Variants in CCDC146 observed in about 807,000 individuals in gnomAD.
CCDC146 encodes coiled-coil domain containing 146, also known as coiled-coil domain-containing protein 146.
CCDC146 carries 92 observed loss-of-function variants against 119.3 expected under a neutral mutation model. The observed-to-expected ratio is 0.77, with a 90% confidence interval of 0.65 to 0.92. CCDC146 has a LOEUF of 0.92. Among genes scored for constraint, CCDC146 ranks in the 40% least tolerant of loss-of-function variants. The pLI, the probability that CCDC146 is intolerant of heterozygous loss-of-function variation, is 0.00. For missense variants in CCDC146, 1,000 were observed against 1,103.0 expected (o/e 0.91, Z 1.32); for synonymous variants, 372 against 371.8 (o/e 1.00, Z -0.01).
chr7:77,171,182 C>G (rs908019400), intron 2 of CCDC146, among the ~76,000 whole-genome samples: 1 of 152,188 alleles, frequency 6.6e-6, no homozygotes, highest in Admixed American at 6.5e-5. Context: ...ATGATGTAAG[C>G]TCATGCATTT....
At chr7:77,184,813 T>C (rs1359442090) in intron 2 of CCDC146, among the ~76,000 whole-genome samples, 2 of 152,194 alleles carry the variant, frequency 1.3e-5, no homozygotes, top group Non-Finnish European at 2.9e-5. Context: ...CTTGAAAATA[T>C]ATTAATTTTT....
intron 1 of CCDC146, among the ~76,000 whole-genome samples, chr7:77,156,791 T>TC (rs1468145574): frequency 6.6e-6 from 1 of 152,136 alleles, no homozygotes; most frequent in African/African-American, 2.4e-5. Flanking sequence ...GAGGTATGCC[T>TC]CATGTCAGAT....
chr7:77,122,932 T>A (rs1236569128), intron 1 of CCDC146, among the ~76,000 whole-genome samples, 200 bp downstream of exon 1: 2 of 151,390 alleles, frequency 1.3e-5, no homozygotes, highest in African/African-American at 2.4e-5. Flanking sequence ...ATATTCCAAA[T>A]ATAGGAATAG....
In CCDC146 at chr7:77,261,992, T is replaced by C. The variant is rs141481528; in HGVS notation, c.987-129T>C. 4.7e-4 allele frequency: 323 copies of C among 690,388 alleles called. 1 individual carries two copies. The African/African-American group carries it at 5.1e-3, about 11-fold the overall frequency. The allele number at this position is 690,388 out of a possible 1,614,324, so 42.8% of individuals were successfully genotyped here. A position where few individuals can be genotyped will look rare whatever the true frequency, so the allele number is the denominator to read the frequency against. On this transcript the variant is annotated intron_variant, in intron 8 of 18. Transcript: ENST00000285871. ...TAGGATTGCTGGGTCAAACGGTAGT[T>C]CTGTTTTTAGGTCTTTGCCAGAAGA...
intron 4 of CCDC146, among the ~76,000 whole-genome samples, chr7:77,248,068 CATATAT>C (rs1792988507): frequency 6.6e-6 from 1 of 152,106 alleles, no homozygotes; most frequent in African/African-American, 2.4e-5. Context: ...GAAAATGTGA[CATATAT>C]ATACAATGGA....
chr7:77,139,426 T>C (rs1017739372), intron 1 of CCDC146, among the ~76,000 whole-genome samples: 18 of 152,204 alleles, frequency 1.2e-4, no homozygotes, highest in African/African-American at 4.3e-4. Context: ...TTCTGTATGA[T>C]ACTATAACGA....
At chr7:77,151,922 A>G (rs1478046906) in intron 1 of CCDC146, among the ~76,000 whole-genome samples, 2 of 152,140 alleles carry the variant, frequency 1.3e-5, no homozygotes, top group Non-Finnish European at 2.9e-5. Context: ...TTTGTAGTGT[A>G]GTGCTCCCAG....
At chr7:77,285,638 T>C (rs1005687765) in intron 15 of CCDC146, among the ~76,000 whole-genome samples, 1 of 152,192 alleles carries the variant, frequency 6.6e-6, no homozygotes, top group African/African-American at 2.4e-5. Context: ...TACCTGAGAT[T>C]ACACAGGTAT....
In CCDC146 at chr7:77,292,894, C is replaced by T; in HGVS notation, c.2416-58C>T. Reference sequence around the variant, plus strand: ...CCATTATAGACAGCCAGCAGCCTGCCATTTTAAGTCTTTGTGGACTGTATA... The same window carrying T: ...CCATTATAGACAGCCAGCAGCCTGCTATTTTAAGTCTTTGTGGACTGTATA... On this transcript the variant is annotated intron_variant, in intron 17 of 18. Transcript: ENST00000285871. 3.9e-6 allele frequency: 6 copies of T among 1,544,616 alleles called. No homozygotes were observed. In the South Asian group the frequency reaches 7.3e-5, roughly 19 times the overall value.
At position 77,282,743 on chromosome 7, in the gene CCDC146, C is replaced by A; in HGVS notation, c.2106C>A (p.Ala702=). Reference sequence around the variant, plus strand: ...GTGTGACCCAGAAATTACTGCCAGCCAAGAGGTCCCTGGATGCCGACCTAG... The same window carrying A: ...GTGTGACCCAGAAATTACTGCCAGCAAAGAGGTCCCTGGATGCCGACCTAG... ...QICVTQKLLP[A]KRSLDADLAV... Residue 702 remains alanine, a synonymous_variant, in exon 15 of 19, where the codon GCC becomes GCA. Transcript: ENST00000285871. 1 of 1,614,148 alleles carries A rather than the reference C, an allele frequency of 6.2e-7. No homozygotes were observed. The highest frequency in any genetic ancestry group is 8.5e-7 in the Non-Finnish European group (1 of 1,179,990).
intron 1 of CCDC146, among the ~76,000 whole-genome samples, chr7:77,130,332 GT>G (rs1340622916): frequency 3.9e-5 from 6 of 152,084 alleles, no homozygotes; most frequent in African/African-American, 1.5e-4. Flanking sequence ...AGAAAGCATA[GT>G]TAAGGCTTTG....
rs1793869322 is a variant in CCDC146 at position 77,287,498 on chromosome 7, A to G, written c.2336A>G (p.Glu779Gly). 6.2e-7 allele frequency: 1 copy of G among 1,614,074 alleles called. No homozygotes were observed. Among genetic ancestry groups the G allele is most frequent in the South Asian group, 1.1e-5 (1 of 91,086 alleles). Reference protein sequence around the residue: ...EKLLEKDFIYEQVSRLTDRLC... With the variant: ...EKLLEKDFIYGQVSRLTDRLC... ...CTGCTGGAGAAGGATTTCATCTATG[A>G]GCAGGTCTCCAGGCTCACAGACAGG... The change falls in exon 17 of 19, where the codon GAG (glutamate) becomes GGG (glycine). Residue 779 changes from glutamate to glycine, a missense_variant. Coordinates refer to ENST00000285871, the MANE Select transcript of CCDC146 (RefSeq NM_020879.3).
chr7:77,204,344 C>T (rs867577905), intron 2 of CCDC146, among the ~76,000 whole-genome samples: 38 of 152,226 alleles, frequency 2.5e-4, no homozygotes, highest in Admixed American at 2.2e-3. Flanking sequence ...AAAATGATTT[C>T]CACAACCCAC....
intron 2 of CCDC146, among the ~76,000 whole-genome samples, chr7:77,203,291 A>C (rs1792027912): frequency 1.3e-5 from 2 of 152,068 alleles, no homozygotes; most frequent in South Asian, 2.1e-4. Flanking sequence ...AAATGATAGC[A>C]TGCTAATGAC....
intron 1 of CCDC146, among the ~76,000 whole-genome samples, chr7:77,143,339 A>G (rs13242148): frequency 0.19 from 29,436 of 151,526 alleles, 3,420 homozygotes; most frequent in Non-Finnish European, 0.21. Context: ...TGAGTAGATT[A>G]CAAAAATTTT....
At chr7:77,273,020 T>G (rs35846293) in intron 9 of CCDC146, among the ~76,000 whole-genome samples, 14,108 of 152,240 alleles carry the variant, frequency 0.093, 1,213 homozygotes, top group East Asian at 0.42. Flanking sequence ...GTACTCACAT[T>G]TTATAATAAC....
At chr7:77,160,555 A>G in intron 1 of CCDC146, among the ~76,000 whole-genome samples, 1 of 152,086 alleles carries the variant, frequency 6.6e-6, no homozygotes, top group East Asian at 1.9e-4. Context: ...TTCACTCATG[A>G]TTTGGCTCTC....
chr7:77,264,760 A>T (rs796455759), intron 9 of CCDC146, among the ~76,000 whole-genome samples: 78 of 152,318 alleles, frequency 5.1e-4, no homozygotes, highest in African/African-American at 1.7e-3. Flanking sequence ...CATCCGCTTC[A>T]TGTTCCATTT....
rs545662738 is a variant in CCDC146, at chr7:77,206,807, TTAA to T, written c.157-30132_157-30130del. On this transcript the variant is annotated intron_variant, in intron 2 of 18. Transcript: ENST00000285871. ...AATATGTAATCCATTAAATATAAAT[TTAA>T]TAATAATGTATAGCTTAGAAATTTG... 6.9e-3 allele frequency among the ~76,000 whole-genome samples: 1,044 copies of T among 151,718 alleles called. 7 individuals carry two copies. The highest frequency in any genetic ancestry group is 7.2e-3 in the Non-Finnish European group (487 of 67,904).
Sources: gnomAD v4.1 joint callset for allele counts (sites outside exome capture counted in the v4.1 genomes callset) on GRCh38, gnomAD v4.1.1 for gene constraint, MANE v1.5 for transcripts, NCBI Gene and HGNC (gene_info 2026-07-23, HGNC 2026-07-21) for gene names.